PDZRN3: variants seen among roughly 807,000 people sequenced by gnomAD.
PDZRN3 encodes the protein PDZ domain containing ring finger 3, also known as E3 ubiquitin-protein ligase PDZRN3.
In PDZRN3, 38 loss-of-function variants were observed where a neutral mutation model predicts 85.7. The observed-to-expected ratio is 0.44, with a 90% CI of 0.34 to 0.58. The LOEUF (loss-of-function observed/expected upper bound fraction) is 0.58, where lower values mean the gene tolerates loss of function less well. Ranked by LOEUF, PDZRN3 falls within the 20% of genes least tolerant of loss-of-function variation. The probability of loss-of-function intolerance (pLI) is 0.01; values close to 1 mark genes in which losing one functional copy is unlikely to be tolerated. For missense variants in PDZRN3, 1,629 were observed against 1,506.4 expected (o/e 1.08, Z -1.35); for synonymous variants, 759 against 638.0 (o/e 1.19, Z -2.86).
At chr3:73,404,082 G>T in intron 4 of PDZRN3, 66 bp downstream of exon 4, 1 of 1,495,470 alleles carries the variant, frequency 6.7e-7, no homozygotes, top group Non-Finnish European at 9.1e-7. Flanking sequence ...TCACCACATA[G>T]AAGAGAAAGA....
intron 3 of PDZRN3, among the ~76,000 whole-genome samples, chr3:73,416,876 G>GT (rs146381615): frequency 0.035 from 3,810 of 109,230 alleles, 291 homozygotes; most frequent in Middle Eastern, 0.049. Context: ...TTTTTTTTTG[G>GT]TTTTTTTTTT....
chr3:73,397,828 C>T (rs1701670907), intron 5 of PDZRN3, among the ~76,000 whole-genome samples: 3 of 152,154 alleles, frequency 2.0e-5, no homozygotes, highest in Admixed American at 2.0e-4. Flanking sequence ...AATGTTAAAG[C>T]AAGACTTCCT....
At chr3:73,492,968 T>TGGAA (rs1344984651) in intron 3 of PDZRN3, among the ~76,000 whole-genome samples, 1 of 143,204 alleles carries the variant, frequency 7.0e-6, no homozygotes, top group African/African-American at 2.5e-5. Flanking sequence ...TTAGACTAGA[T>TGGAA]GGAAGGCTTT....
intron 3 of PDZRN3, among the ~76,000 whole-genome samples, chr3:73,588,089 C>T (rs1702303364): frequency 6.6e-6 from 1 of 152,154 alleles, no homozygotes; most frequent in South Asian, 2.1e-4. Context: ...TCCCCTCACC[C>T]TCCACCCCTC....
At chr3:73,534,717 A>G (rs918167629) in intron 3 of PDZRN3, among the ~76,000 whole-genome samples, 1 of 152,206 alleles carries the variant, frequency 6.6e-6, no homozygotes, top group African/African-American at 2.4e-5. Context: ...CAGATTTCCT[A>G]TTCTTCTCTT....
intron 3 of PDZRN3, among the ~76,000 whole-genome samples, chr3:73,469,249 C>T (rs1315288596): frequency 6.6e-6 from 1 of 151,968 alleles, no homozygotes; most frequent in Non-Finnish European, 1.5e-5. Flanking sequence ...ATTTTTGTAT[C>T]TTTAGTGGAA....
At chr3:73,466,479 T>C (rs1703217195) in intron 3 of PDZRN3, among the ~76,000 whole-genome samples, 1 of 152,150 alleles carries the variant, frequency 6.6e-6, no homozygotes, top group East Asian at 1.9e-4. Flanking sequence ...CTCACCTGAA[T>C]TGGTGCTTCA....
intron 8 of PDZRN3, among the ~76,000 whole-genome samples, chr3:73,386,548 T>C (rs2106677169): frequency 6.6e-6 from 1 of 152,340 alleles, no homozygotes; most frequent in Non-Finnish European, 1.5e-5. Flanking sequence ...AGTGAACTAT[T>C]CAGAAGTTGG....
chr3:73,624,132 G>C lies in PDZRN3; in HGVS notation c.694C>G (p.Arg232Gly), dbSNP rs746244046. 2.0e-6 allele frequency: 3 copies of C among 1,479,244 alleles called. No individual in the cohort carries two copies. The highest frequency in any genetic ancestry group is 1.3e-5 in the South Asian group (1 of 78,152). The allele number at this position is 1,479,244 out of a possible 1,614,324, so 91.6% of individuals were successfully genotyped here. The change falls in exon 1 of 10, where the codon CGC becomes GGC. Residue 232 changes from arginine (R) to glycine (G), a missense_variant. Transcript: ENST00000263666. ...CCGCCGGGCGGCGCGGCCACGCAGC[G>C]GCTGAGCGAGTCGAGGCGCGCGCTG... ...EYSARLDSLSRCVAAPPGGKG... is the reference protein window; with the variant it reads ...EYSARLDSLSGCVAAPPGGKG...
chr3:73,528,047 A>G (rs1422680180), intron 3 of PDZRN3, among the ~76,000 whole-genome samples: 1 of 152,192 alleles, frequency 6.6e-6, no homozygotes, highest in East Asian at 1.9e-4. Flanking sequence ...TCTTGCTGAC[A>G]CTCAGAAGTA....
At chr3:73,455,870 T>C (rs1702966277) in intron 3 of PDZRN3, among the ~76,000 whole-genome samples, 1 of 152,232 alleles carries the variant, frequency 6.6e-6, no homozygotes, top group African/African-American at 2.4e-5. Flanking sequence ...GAGCAGAACA[T>C]GCTGATTTGG....
Position 73,391,124 on chromosome 3 carries a change from A to G in PDZRN3, c.1255-8T>C. On this transcript the variant is annotated splice_polypyrimidine_tract_variant and splice_region_variant and intron_variant, in intron 5 of 9. Coordinates refer to ENST00000263666, the MANE Select transcript of PDZRN3 (RefSeq NM_015009.3). ...TCTGTAGAGGTCCACTTCCTAGACA[A>G]AGAAAGGCATTCCCAGTGAGACTCC... The G allele has an allele frequency of 6.3e-7, 1 of 1,583,930 alleles. No individual in the cohort carries two copies. The highest frequency in any genetic ancestry group is 8.7e-7 in the Non-Finnish European group (1 of 1,153,124).
At chr3:73,617,380 C>A (rs997227275) in intron 1 of PDZRN3, among the ~76,000 whole-genome samples, 4 of 152,140 alleles carry the variant, frequency 2.6e-5, no homozygotes, top group African/African-American at 9.7e-5. Context: ...CTTATTAGGA[C>A]ACTATTAGTC....
intron 3 of PDZRN3, among the ~76,000 whole-genome samples, chr3:73,508,009 G>C (rs555233025): frequency 6.6e-6 from 1 of 152,050 alleles, no homozygotes; most frequent in African/African-American, 2.4e-5. Flanking sequence ...ACATGAGAAT[G>C]GCTTGAACTC....
At chr3:73,539,304 T>C (rs755840021) in intron 3 of PDZRN3, among the ~76,000 whole-genome samples, 1 of 152,186 alleles carries the variant, frequency 6.6e-6, no homozygotes, top group Non-Finnish European at 1.5e-5. Context: ...AATCAAGGGA[T>C]GTTTTGGATG....
chr3:73,452,257 T>C (rs1702877685), intron 3 of PDZRN3, among the ~76,000 whole-genome samples: 1 of 151,966 alleles, frequency 6.6e-6, no homozygotes. Context: ...ACTGTCAAGG[T>C]GGTAGGTTAG....
intron 3 of PDZRN3, among the ~76,000 whole-genome samples, chr3:73,491,434 C>G (rs1018051657): frequency 6.6e-6 from 1 of 152,038 alleles, no homozygotes; most frequent in Non-Finnish European, 1.5e-5. Context: ...CAAGAAGATG[C>G]AAATTTATAT....
At chr3:73,439,148 C>A (rs1702585627) in intron 3 of PDZRN3, among the ~76,000 whole-genome samples, 2 of 152,198 alleles carry the variant, frequency 1.3e-5, no homozygotes, top group Admixed American at 1.3e-4. Context: ...GTGCAAGAAC[C>A]AGGCCTCAGT....
At chr3:73,414,488 T>C (rs1312389554) in intron 3 of PDZRN3, among the ~76,000 whole-genome samples, 3 of 152,240 alleles carry the variant, frequency 2.0e-5, no homozygotes, top group African/African-American at 7.2e-5. Context: ...GTGTATCACT[T>C]GATCAAAATT....
Sources: gnomAD v4.1 joint callset for allele counts (sites outside exome capture counted in the v4.1 genomes callset) on GRCh38, gnomAD v4.1.1 for gene constraint, MANE v1.5 for transcripts, NCBI Gene and HGNC (gene_info 2026-07-23, HGNC 2026-07-21) for gene names.